Variants in CRADD observed in about 807,000 individuals in gnomAD.
CRADD encodes death domain-containing protein CRADD.
In CRADD, 9 loss-of-function variants were observed where a neutral mutation model predicts 15.5. The ratio of observed to expected loss-of-function variants is 0.58; its 90% CI spans 0.35 to 1.01. The LOEUF (loss-of-function observed/expected upper bound fraction) is 1.01, where lower values mean the gene tolerates loss of function less well. CRADD is among the 50% of genes least tolerant of loss of function. CRADD has a pLI of 0.02. For synonymous variants in CRADD, 118 were observed against 107.6 expected, an observed-to-expected ratio of 1.10 and a Z score of -0.60; for missense variants, 227 against 250.3, an observed-to-expected ratio of 0.91 and a Z score of 0.63.
chr12:93,788,982 A>G (rs1286670382), intron 2 of CRADD, among the ~76,000 whole-genome samples: 6 of 152,084 alleles, frequency 3.9e-5, no homozygotes, highest in Non-Finnish European at 8.8e-5. Context: ...ACTGTGTTCT[A>G]CAGTTCTTAG....
At chr12:93,736,798 C>T (rs1046766020) in intron 2 of CRADD, among the ~76,000 whole-genome samples, 2 of 152,216 alleles carry the variant, frequency 1.3e-5, no homozygotes. Flanking sequence ...CAACCACCAG[C>T]ATCTAAGTGA....
intron 2 of CRADD, among the ~76,000 whole-genome samples, chr12:93,864,690 A>C (rs190882114): frequency 1.3e-3 from 199 of 152,318 alleles, no homozygotes; most frequent in African/African-American, 4.3e-3. Context: ...CTGGCACACG[A>C]AGTCATGATT....
At chr12:93,699,161 G>T (rs554769279) in intron 2 of CRADD, among the ~76,000 whole-genome samples, 1 of 152,286 alleles carries the variant, frequency 6.6e-6, no homozygotes, top group African/African-American at 2.4e-5. Flanking sequence ...CAAATGCTTA[G>T]TTCTAAAATT....
rs11300753 is a variant in CRADD at position 93,857,137 on chromosome 12, T to TA, written c.299-36900dup. On this transcript the variant is annotated intron_variant, in intron 2 of 2. Transcript: ENST00000548483. Reference sequence around the variant, plus strand: ...AATCCAGGTTTGAGCACTTAAAAAGTAAAAAAAAAAAAACCCAACATCTTG... The same window carrying TA: ...AATCCAGGTTTGAGCACTTAAAAAGTAAAAAAAAAAAAAACCCAACATCTTG... Among the ~76,000 whole-genome samples, 907 of 144,594 alleles carry TA rather than the reference T, an allele frequency of 6.3e-3. 3 individuals carry two copies. The highest frequency in any genetic ancestry group is 0.015 in the African/African-American group (585 of 39,808). 94.9% of individuals were successfully genotyped at this position (144,594 alleles called of 152,430 possible).
intron 2 of CRADD, among the ~76,000 whole-genome samples, chr12:93,806,485 A>T (rs1026000744): frequency 6.6e-6 from 1 of 151,670 alleles, no homozygotes; most frequent in South Asian, 2.1e-4. Flanking sequence ...AAAAAAAGAA[A>T]AAAAAGGATG....
At chr12:93,888,480 A>G (rs1409144609) in intron 2 of CRADD, among the ~76,000 whole-genome samples, 1 of 151,926 alleles carries the variant, frequency 6.6e-6, no homozygotes, top group Non-Finnish European at 1.5e-5. Context: ...CTCACCTTCT[A>G]TACCATGTGA....
At chr12:93,806,909 A>G (rs1399030564) in intron 2 of CRADD, among the ~76,000 whole-genome samples, 1 of 152,162 alleles carries the variant, frequency 6.6e-6, no homozygotes, top group African/African-American at 2.4e-5. Flanking sequence ...TGGTTATTTA[A>G]AGATAATCCA....
At chr12:93,697,212 G>A (rs1264050442) in intron 2 of CRADD, among the ~76,000 whole-genome samples, 1 of 152,176 alleles carries the variant, frequency 6.6e-6, no homozygotes, top group Non-Finnish European at 1.5e-5. Context: ...TGGTAATAGG[G>A]GGTGGTATTA....
intron 2 of CRADD, chr12:93,738,253 G>A (rs769881701): frequency 5.8e-5 from 37 of 639,796 alleles, no homozygotes; most frequent in Non-Finnish European, 2.0e-5. Context: ...AGCTGGAGAA[G>A]AGAAGGGCCA....
intron 2 of CRADD, among the ~76,000 whole-genome samples, chr12:93,857,019 T>A (rs1319620724): frequency 3.3e-5 from 5 of 152,178 alleles, no homozygotes; most frequent in Admixed American, 2.6e-4. Context: ...AAGACACAGT[T>A]CAGTGAGCCA....
At position 93,824,207 on chromosome 12, in the gene CRADD, C is replaced by A. The variant is rs1490630241; in HGVS notation, c.299-25763C>A. On this transcript the variant is annotated intron_variant, in intron 2 of 2. Coordinates refer to ENST00000332896, the MANE Select transcript of CRADD (RefSeq NM_003805.5). This position sits in a 1 kb window ranked among gnomAD's most constrained non-coding sequence, Gnocchi z 4.3. ...CACCTCTAGGCTGCTGTAGGACACA[C>A]CCCGGTCTCATTTTCAGTGTCTCAG... Among the ~76,000 whole-genome samples, 1 of 152,172 alleles carries A rather than the reference C, an allele frequency of 6.6e-6. No homozygotes were observed. Among genetic ancestry groups the A allele is most frequent in the African/African-American group, 2.4e-5 (1 of 41,412 alleles).
chr12:93,876,012 A>C (rs1308580976), intron 2 of CRADD, among the ~76,000 whole-genome samples: 3 of 152,054 alleles, frequency 2.0e-5, no homozygotes, highest in Admixed American at 6.6e-5. Flanking sequence ...GAAACCCCTC[A>C]GCTTTTATTT....
intron 2 of CRADD, among the ~76,000 whole-genome samples, chr12:93,789,721 A>G (rs996249091): frequency 2.0e-5 from 3 of 152,260 alleles, no homozygotes; most frequent in African/African-American, 7.2e-5. Flanking sequence ...ATCAAATTGC[A>G]TGCTTTAAAT....
At chr12:93,779,790 T>A (rs1422178929) in intron 2 of CRADD, among the ~76,000 whole-genome samples, 1 of 152,102 alleles carries the variant, frequency 6.6e-6, no homozygotes, top group Non-Finnish European at 1.5e-5. Context: ...AGTTTCACCA[T>A]GTTGGCCAGG....
At chr12:93,723,221 G>A (rs2136893227) in intron 2 of CRADD, among the ~76,000 whole-genome samples, 1 of 152,300 alleles carries the variant, frequency 6.6e-6, no homozygotes, top group South Asian at 2.1e-4. Context: ...GACCATCTTT[G>A]TAAAACTGAA....
chr12:93,837,265 TTG>T, intron 2 of CRADD: 1 of 150,050 alleles, frequency 6.7e-6, no homozygotes, highest in Non-Finnish European at 1.5e-5. Context: ...GTTTGTTTGT[TTG>T]TTTGTTTTTG....
chr12:93,890,763 CTTT>C (rs571133896), intron 2 of CRADD, among the ~76,000 whole-genome samples: 2 of 144,288 alleles, frequency 1.4e-5, no homozygotes, highest in Non-Finnish European at 1.5e-5. Flanking sequence ...TTCTTTCTTT[CTTT>C]TTTTTTTTTT....
chr12:93,814,116 T>C (rs1957663595), intron 2 of CRADD, among the ~76,000 whole-genome samples: 1 of 152,222 alleles, frequency 6.6e-6, no homozygotes, highest in Non-Finnish European at 1.5e-5. Flanking sequence ...ATGCCAGCCA[T>C]AAAGTACAAG....
At chr12:93,825,460 T>C (rs545019199) in intron 2 of CRADD, among the ~76,000 whole-genome samples, 1 of 152,312 alleles carries the variant, frequency 6.6e-6, no homozygotes, top group East Asian at 1.9e-4. Flanking sequence ...TAAAAGTGTT[T>C]CCTTTGTTTT....
Sources: gnomAD v4.1 joint callset for allele counts (sites outside exome capture counted in the v4.1 genomes callset) on GRCh38, gnomAD v4.1.1 for gene constraint, Gnocchi (gnomAD v3.1) non-coding constraint, MANE v1.5 for transcripts, NCBI Gene and HGNC (gene_info 2026-07-23, HGNC 2026-07-21) for gene names.